The following DLG2 variants were observed in gnomAD, a reference collection of about 807,000 sequenced individuals.
DLG2 encodes discs large MAGUK scaffold protein 2.
A neutral mutation model predicts 132.5 loss-of-function variants in DLG2; 45 were observed. The observed-to-expected ratio is 0.34, with a 90% CI of 0.27 to 0.44. The LOEUF is 0.44. DLG2 is among the 20% of genes least tolerant of loss of function. DLG2 has a pLI of 1.00. For synonymous variants in DLG2, 424 were observed against 419.6 expected, an observed-to-expected ratio of 1.01 and a Z score of -0.13; for missense variants, 1,045 against 1,196.9, an observed-to-expected ratio of 0.87 and a Z score of 1.87.
At chr11:84,325,358 C>T (rs1599898436) in intron 7 of DLG2, among the ~76,000 whole-genome samples, 1 of 152,008 alleles carries the variant, frequency 6.6e-6, no homozygotes, top group East Asian at 1.9e-4. Context: ...TATTCCTCCC[C>T]CAACCCCCTC....
intron 3 of DLG2, among the ~76,000 whole-genome samples, chr11:85,359,400 T>G (rs2083975085): frequency 6.6e-6 from 1 of 152,222 alleles, no homozygotes; most frequent in Non-Finnish European, 1.5e-5. Flanking sequence ...AATTGTATTT[T>G]CAGAGATCAG....
At position 83,475,028 on chromosome 11, in the gene DLG2, G is replaced by A. The variant is rs977694490; in HGVS notation, c.2294-2251C>T. Among the ~76,000 whole-genome samples, 7 of 152,112 alleles carry A rather than the reference G, an allele frequency of 4.6e-5. No homozygotes were observed. The East Asian group carries it at 7.7e-4, about 17-fold the overall frequency. On this transcript the variant is annotated intron_variant, in intron 22 of 27. Coordinates refer to ENST00000376104, the MANE Select transcript of DLG2 (RefSeq NM_001142699.3). ...GTTTACTTTTCTATGAAAGGCACTG[G>A]TTCTGGTTCTGGTTCAGAGCAGTAG... is the stretch of plus-strand genomic sequence containing the variant.
At chr11:83,843,224 G>T (rs545221994) in intron 16 of DLG2, among the ~76,000 whole-genome samples, 1 of 152,242 alleles carries the variant, frequency 6.6e-6, no homozygotes, top group South Asian at 2.1e-4. Context: ...ATCCCAGGTT[G>T]TTCCTCCTTG....
At chr11:84,933,527 C>G (rs1293234328) in intron 6 of DLG2, among the ~76,000 whole-genome samples, 1 of 152,112 alleles carries the variant, frequency 6.6e-6, no homozygotes, top group Non-Finnish European at 1.5e-5. Flanking sequence ...TGTGTCATCT[C>G]TGATTTTTTT....
At chr11:85,112,048 C>T (rs1294485501) in intron 5 of DLG2, among the ~76,000 whole-genome samples, 1 of 152,072 alleles carries the variant, frequency 6.6e-6, no homozygotes, top group African/African-American at 2.4e-5. Flanking sequence ...TGACTGTTCT[C>T]TTCCAGGCTC....
rs539708971 is a variant in DLG2 at position 84,325,204 on chromosome 11, AG to A, written c.520-73914del. Among the ~76,000 whole-genome samples, 17 of 151,872 alleles carry A rather than the reference AG, an allele frequency of 1.1e-4. No homozygotes were observed. In the South Asian group the frequency reaches 3.3e-3, roughly 30 times the overall value. ...ATTTTCTTCTATTCCTAATTTGTTG[AG>A]GTTTTTTTTAAATTTAATTATTATA... On this transcript the variant is annotated intron_variant, in intron 7 of 27. Transcript: ENST00000376104.
At chr11:85,506,727 T>C (rs557732454) in intron 3 of DLG2, among the ~76,000 whole-genome samples, 1 of 152,328 alleles carries the variant, frequency 6.6e-6, no homozygotes, top group Non-Finnish European at 1.5e-5. Context: ...TAGATGTCTA[T>C]TAGGTCCGCT....
At chr11:85,499,286 T>C (rs1439586393) in intron 3 of DLG2, among the ~76,000 whole-genome samples, 2 of 151,940 alleles carry the variant, frequency 1.3e-5, no homozygotes, top group Non-Finnish European at 2.9e-5. Context: ...CCCACAGAAA[T>C]ACAAACTACC....
intron 3 of DLG2, among the ~76,000 whole-genome samples, chr11:85,379,718 G>A (rs1000650166): frequency 6.6e-6 from 1 of 152,182 alleles, no homozygotes; most frequent in Admixed American, 6.5e-5. Context: ...CCTAGAGCCA[G>A]TGGATTGGCA....
intron 6 of DLG2, among the ~76,000 whole-genome samples, chr11:84,626,929 A>G (rs1477002473): frequency 2.0e-5 from 3 of 148,924 alleles, no homozygotes; most frequent in Non-Finnish European, 4.5e-5. Flanking sequence ...TGGAGTGCAG[A>G]GGCACAATCT....
intron 6 of DLG2, among the ~76,000 whole-genome samples, chr11:84,657,990 G>A (rs2099690231): frequency 6.6e-6 from 1 of 152,074 alleles, no homozygotes; most frequent in Non-Finnish European, 1.5e-5. Context: ...CTGCCTTCTT[G>A]GAAGCTTTGG....
At position 84,415,867 on chromosome 11, in the gene DLG2, G is replaced by A. The variant is rs1018553171; in HGVS notation, c.519+118703C>T. Among the ~76,000 whole-genome samples, 4 of 152,112 alleles carry A rather than the reference G, an allele frequency of 2.6e-5. No homozygotes were observed. In the East Asian group the frequency reaches 7.7e-4, roughly 29 times the overall value. On this transcript the variant is annotated intron_variant, in intron 7 of 27. Transcript: ENST00000376104. The stretch of plus-strand genomic sequence containing the variant: ...ACCTACTTCATATATGCATTGAGAG[G>A]ATTAAATAAGTTAATCACATGTTGA...
intron 3 of DLG2, among the ~76,000 whole-genome samples, chr11:85,311,291 C>T (rs1403880723): frequency 2.0e-5 from 3 of 152,146 alleles, no homozygotes; most frequent in Non-Finnish European, 4.4e-5. Context: ...AGGATGTTTA[C>T]CATATGCCAG....
chr11:84,930,491 C>T (rs1294392615), intron 6 of DLG2, among the ~76,000 whole-genome samples: 1 of 152,110 alleles, frequency 6.6e-6, no homozygotes, highest in African/African-American at 2.4e-5. Context: ...CAACCTCCTC[C>T]ATCCTCTTTT....
intron 7 of DLG2, among the ~76,000 whole-genome samples, chr11:84,284,869 C>T (rs778709767): frequency 2.0e-4 from 30 of 152,158 alleles, no homozygotes; most frequent in Admixed American, 3.9e-4. Flanking sequence ...TTGTTCTCAG[C>T]CTTTAGTGCA....
At chr11:84,209,430 C>A (rs1468682771) in intron 8 of DLG2, among the ~76,000 whole-genome samples, 3 of 152,096 alleles carry the variant, frequency 2.0e-5, no homozygotes, top group Non-Finnish European at 4.4e-5. Flanking sequence ...TTAATAGGAA[C>A]ACTGGTGGAA....
chr11:83,624,585 C>T (rs1047218487), intron 19 of DLG2, among the ~76,000 whole-genome samples: 1 of 152,168 alleles, frequency 6.6e-6, no homozygotes, highest in Admixed American at 6.5e-5. Flanking sequence ...GCTCTAAGTA[C>T]TTGAAGCAAT....
intron 3 of DLG2, among the ~76,000 whole-genome samples, chr11:85,348,188 T>C (rs1468997681): frequency 6.6e-6 from 1 of 151,018 alleles, no homozygotes; most frequent in East Asian, 2.0e-4. Context: ...GGTTTCACCA[T>C]GTTGGCCAGG....
chr11:84,783,559 G>T (rs1052138204), intron 6 of DLG2, among the ~76,000 whole-genome samples: 1 of 152,092 alleles, frequency 6.6e-6, no homozygotes, highest in East Asian at 1.9e-4. Flanking sequence ...CGGTCTCATG[G>T]CATCTAAATT....
Sources: allele counts gnomAD v4.1 joint callset (sites outside exome capture counted in the v4.1 genomes callset), GRCh38; gene constraint gnomAD v4.1.1; transcripts MANE v1.5; gene names NCBI Gene and HGNC (gene_info 2026-07-23, HGNC 2026-07-21).